SORCS2: variants seen among roughly 807,000 people sequenced by gnomAD.
SORCS2 encodes the protein VPS10 domain-containing receptor SorCS2.
In SORCS2, 100 loss-of-function variants were observed where a neutral mutation model predicts 141.6. That is an observed-to-expected ratio of 0.71 (90% confidence interval 0.60 to 0.83). The LOEUF (loss-of-function observed/expected upper bound fraction) is 0.83. Ranked by LOEUF, SORCS2 falls within the 40% of genes least tolerant of loss-of-function variation. The pLI, the probability that SORCS2 is intolerant of heterozygous loss-of-function variation, is 0.00. For missense variants in SORCS2, 1,646 were observed against 1,560.2 expected (o/e 1.05, Z -0.93); for synonymous variants, 789 against 676.9 (o/e 1.17, Z -2.57).
chr4:7,233,363 G>C lies in SORCS2; in HGVS notation c.480+40237G>C, dbSNP rs967118307. Among the ~76,000 whole-genome samples, 1 of 152,172 alleles carries C rather than the reference G, an allele frequency of 6.6e-6. No individual in the cohort carries two copies. Among genetic ancestry groups the C allele is most frequent in the South Asian group, 2.1e-4 (1 of 4,826 alleles). On this transcript the variant is annotated intron_variant, in intron 1 of 26. Transcript: ENST00000507866. This position sits in a 1 kb window ranked among gnomAD's most constrained non-coding sequence, Gnocchi z 4.5. ...GATGACGTCTCCTGGCCACCGCTGA[G>C]CACCTGCTCCAGGGCAGACGTAGCC...
intron 3 of SORCS2, among the ~76,000 whole-genome samples, chr4:7,620,547 G>A (rs545334324): frequency 1.2e-4 from 19 of 152,342 alleles, no homozygotes; most frequent in African/African-American, 3.6e-4. Context: ...CTGGGGAAGC[G>A]GGCAGCTGAG....
intron 1 of SORCS2, among the ~76,000 whole-genome samples, chr4:7,241,976 G>A (rs555040896): frequency 5.8e-4 from 89 of 152,312 alleles, no homozygotes; most frequent in African/African-American, 2.1e-3. Flanking sequence ...GCAGCTGAGT[G>A]CAGCTTGACT....
At chr4:7,301,527 G>T (rs1016778058) in intron 1 of SORCS2, among the ~76,000 whole-genome samples, 17 of 152,226 alleles carry the variant, frequency 1.1e-4, no homozygotes, top group Non-Finnish European at 1.5e-5. Context: ...TGACCCCTGA[G>T]TATGGGCCCA....
rs966081418 is a variant in SORCS2, at chr4:7,450,750, TGAGA to T, written c.548+54399_548+54402del. Among the ~76,000 whole-genome samples the T allele has an allele frequency of 3.2e-4, 48 of 151,780 alleles. No individual in the cohort carries two copies. The South Asian group carries it at 8.2e-3, about 26-fold the overall frequency. On this transcript the variant is annotated intron_variant, in intron 2 of 26. Coordinates refer to ENST00000507866, the MANE Select transcript of SORCS2 (RefSeq NM_020777.3). ...ATGAATGAGTGACTGAATGAATGAGTGAGAGAGTGAGTGAGTAAATGAGAGAGTG... is the reference window on the plus strand; with the variant it reads ...ATGAATGAGTGACTGAATGAATGAGTGAGTGAGTGAGTAAATGAGAGAGTG...
At chr4:7,342,800 G>A (rs770041591) in intron 1 of SORCS2, among the ~76,000 whole-genome samples, 1 of 152,176 alleles carries the variant, frequency 6.6e-6, no homozygotes, top group African/African-American at 2.4e-5. Context: ...TAATTATAAC[G>A]GTTGTTAACC....
chr4:7,717,827 T>C (rs1323599444), intron 17 of SORCS2, among the ~76,000 whole-genome samples, 185 bp from the exon 18 acceptor site: 1 of 152,128 alleles, frequency 6.6e-6, no homozygotes, highest in Non-Finnish European at 1.5e-5. Flanking sequence ...TGTTCTCATC[T>C]CTAAAATGGG....
intron 3 of SORCS2, among the ~76,000 whole-genome samples, chr4:7,636,798 G>T (rs1720286237): frequency 6.6e-6 from 1 of 152,084 alleles, no homozygotes; most frequent in Non-Finnish European, 1.5e-5. Context: ...GTTTCTTGGG[G>T]TTGCCGTTGC....
intron 1 of SORCS2, among the ~76,000 whole-genome samples, chr4:7,221,898 A>G (rs1180681201): frequency 6.6e-6 from 1 of 152,244 alleles, no homozygotes; most frequent in Admixed American, 6.5e-5. Context: ...GGACCAAGCC[A>G]TTCAGATCCT....
intron 1 of SORCS2, among the ~76,000 whole-genome samples, chr4:7,376,996 T>G (rs1171881608): frequency 2.7e-5 from 4 of 150,822 alleles, no homozygotes; most frequent in African/African-American, 4.9e-5. Context: ...GGATTCGGGC[T>G]GTGAAAGTGG....
At chr4:7,390,203 T>C (rs2109096972) in intron 1 of SORCS2, among the ~76,000 whole-genome samples, 1 of 152,346 alleles carries the variant, frequency 6.6e-6, no homozygotes, top group African/African-American at 2.4e-5. Flanking sequence ...CAACACTAAG[T>C]TCTTGCAGTC....
intron 11 of SORCS2, among the ~76,000 whole-genome samples, chr4:7,692,613 C>T (rs554279090): frequency 2.0e-5 from 3 of 152,140 alleles, no homozygotes; most frequent in Admixed American, 1.3e-4. Context: ...CTCAGCTGCT[C>T]GGGGTTGAAC....
chr4:7,568,761 G>A (rs1715188233), intron 3 of SORCS2, among the ~76,000 whole-genome samples: 1 of 152,212 alleles, frequency 6.6e-6, no homozygotes, highest in Non-Finnish European at 1.5e-5. Context: ...CACAGTTTGG[G>A]AACCATAGTG....
At chr4:7,639,578 TGTGG>T (rs1446437393) in intron 4 of SORCS2, among the ~76,000 whole-genome samples, 1 of 150,430 alleles carries the variant, frequency 6.6e-6, no homozygotes, top group Admixed American at 6.6e-5. Flanking sequence ...TGTGAATGTG[TGTGG>T]GAATGCGAGT....
At chr4:7,339,470 T>TG (rs1281201578) in intron 1 of SORCS2, among the ~76,000 whole-genome samples, 2 of 152,156 alleles carry the variant, frequency 1.3e-5, no homozygotes, top group African/African-American at 4.8e-5. Context: ...TGCAGCTGGG[T>TG]GGGGGCAACT....
chr4:7,367,598 C>T (rs1176457972), intron 1 of SORCS2, among the ~76,000 whole-genome samples: 1 of 152,236 alleles, frequency 6.6e-6, no homozygotes, highest in African/African-American at 2.4e-5. Flanking sequence ...CAGGGCTGGG[C>T]TGTTCAGGCT....
At chr4:7,601,897 A>C (rs573489898) in intron 3 of SORCS2, among the ~76,000 whole-genome samples, 9 of 152,330 alleles carry the variant, frequency 5.9e-5, no homozygotes, top group African/African-American at 1.2e-4. Flanking sequence ...GCCTTCAAGC[A>C]TCTGTTTAAC....
chr4:7,499,557 G>C (rs1731833789), intron 2 of SORCS2, among the ~76,000 whole-genome samples: 1 of 152,086 alleles, frequency 6.6e-6, no homozygotes, highest in African/African-American at 2.4e-5. Context: ...GTGGTACCTG[G>C]AACTCGACAC....
rs1227638002 is a variant in SORCS2 at position 7,446,595 on chromosome 4, C to T, written c.548+50240C>T. 2.6e-5 allele frequency among the ~76,000 whole-genome samples: 4 copies of T among 152,232 alleles called. No individual in the cohort carries two copies. In the East Asian group the frequency reaches 7.7e-4, roughly 29 times the overall value. On this transcript the variant is annotated intron_variant, in intron 2 of 26. Transcript: ENST00000507866. The stretch of plus-strand genomic sequence containing the variant: ...GAGGGACTGAGCCTGCTCCTTTGTC[C>T]CCAGCATGACCCTGAGCAGCCTTGT...
At chr4:7,278,986 C>T (rs1312344217) in intron 1 of SORCS2, among the ~76,000 whole-genome samples, 3 of 152,182 alleles carry the variant, frequency 2.0e-5, no homozygotes, top group Non-Finnish European at 4.4e-5. Context: ...TGCAAGTCCT[C>T]GTCCAGGGAA....
Sources: gnomAD v4.1 joint callset for allele counts (sites outside exome capture counted in the v4.1 genomes callset) on GRCh38, gnomAD v4.1.1 for gene constraint, Gnocchi (gnomAD v3.1) non-coding constraint, MANE v1.5 for transcripts, NCBI Gene and HGNC (gene_info 2026-07-23, HGNC 2026-07-21) for gene names.